Variants in GSR observed in about 807,000 individuals in gnomAD.
GSR encodes glutathione reductase, mitochondrial.
Under a neutral mutation model 56.5 loss-of-function variants are expected in GSR, and 48 were observed. That is an observed-to-expected ratio of 0.85 (90% CI 0.67 to 1.08). The LOEUF is 1.08. Among genes scored for constraint, GSR ranks in the 50% least tolerant of loss-of-function variants. The pLI is 0.00. For synonymous variants in GSR, 264 were observed against 270.8 expected (o/e 0.97, Z 0.25); for missense variants, 694 against 703.3 (o/e 0.99, Z 0.15).
At chr8:30,724,126 C>T (rs1236666851) in intron 1 of GSR, among the ~76,000 whole-genome samples, 1 of 152,188 alleles carries the variant, frequency 6.6e-6, no homozygotes, top group Non-Finnish European at 1.5e-5. Flanking sequence ...AATCCTAACA[C>T]TTTCGGAGAC....
At chr8:30,709,765 G>A in intron 3 of GSR, 49 bp downstream of exon 3, 1 of 1,064,170 alleles carries the variant, frequency 9.4e-7, no homozygotes, top group Non-Finnish European at 1.5e-6. Context: ...AGTTATAAAA[G>A]AAAAATATCT....
rs745575108 is a variant in GSR at position 30,690,505 on chromosome 8, G to A, written c.883-1186C>T. ...TGGAATGAAGGAAAGTAAGACTTGG[G>A]TTTGGAGAGTGGAGAAAATAAATAG... On this transcript the variant is annotated intron_variant, in intron 8 of 12. Transcript: ENST00000221130. 8.5e-5 allele frequency among the ~76,000 whole-genome samples: 13 copies of A among 152,176 alleles called. No homozygotes were observed. In the South Asian group the frequency reaches 1.7e-3, roughly 19 times the overall value.
At chr8:30,698,650 AC>A (rs1227127869) in intron 6 of GSR, among the ~76,000 whole-genome samples, 1 of 152,202 alleles carries the variant, frequency 6.6e-6, no homozygotes. Flanking sequence ...TGCTGTCTGA[AC>A]TGTCCATGAC....
chr8:30,727,796 G>A lies in GSR; in HGVS notation c.40C>T (p.Pro14Ser). The change falls in exon 1 of 13, where the codon CCG becomes TCG. Residue 14 changes from proline (P) to serine (S), a missense_variant. Physicochemically the swap from Pro to Ser is moderately conservative, Grantham distance 74. Transcript: ENST00000221130. The part of the protein sequence containing the change: ...LPRALSAGAG[P>S]SWRRAARAFR... ...GCGCGCGCCGCCCGCCGCCAGCTCG[G>A]TCCCGCGCCGGCGCTCAGGGCTCGG... is the stretch of plus-strand genomic sequence containing the variant. 1 of 1,319,376 alleles carries A rather than the reference G, an allele frequency of 7.6e-7. No homozygotes were observed. The highest frequency in any genetic ancestry group is 2.9e-4 in the Middle Eastern group (1 of 3,472). 81.7% of individuals were successfully genotyped at this position (1,319,376 alleles called of 1,614,324 possible).
At chr8:30,699,611 T>C (rs1803659405) in intron 6 of GSR, among the ~76,000 whole-genome samples, 1 of 151,728 alleles carries the variant, frequency 6.6e-6, no homozygotes, top group Non-Finnish European at 1.5e-5. Context: ...ACCCAGCTAA[T>C]TTCCATAGTT....
At chr8:30,717,112 C>T (rs1486865526) in intron 1 of GSR, among the ~76,000 whole-genome samples, 1 of 152,092 alleles carries the variant, frequency 6.6e-6, no homozygotes, top group East Asian at 1.9e-4. Flanking sequence ...TAGCACATGC[C>T]TGTAATCCCA....
intron 4 of GSR, 53 bp from the exon 5 acceptor site, chr8:30,703,293 C>A: frequency 6.8e-7 from 1 of 1,461,676 alleles, no homozygotes; most frequent in Non-Finnish European, 9.6e-7. Flanking sequence ...ACAAAGACAC[C>A]TACTGCAACT....
chr8:30,688,097 C>T (rs780837027), intron 9 of GSR, among the ~76,000 whole-genome samples: 27 of 152,298 alleles, frequency 1.8e-4, no homozygotes, highest in African/African-American at 5.1e-4. Context: ...ACAGACAGCA[C>T]GGGTAGAGCC....
intron 1 of GSR, 90 bp from the exon 2 acceptor site, chr8:30,712,178 G>A (rs2078312397): frequency 1.7e-5 from 12 of 709,240 alleles, no homozygotes; most frequent in East Asian, 2.6e-5. Flanking sequence ...AGCATCAAGC[G>A]AGGAGTCTTC....
chr8:30,727,356 C>T (rs1804766277), intron 1 of GSR, among the ~76,000 whole-genome samples, 174 bp downstream of exon 1: 1 of 152,226 alleles, frequency 6.6e-6, no homozygotes, highest in African/African-American at 2.4e-5. Flanking sequence ...CCCCCGGACG[C>T]CTCTCTCTCC....
At position 30,681,986 on chromosome 8, in the gene GSR, T is replaced by C; in HGVS notation, c.1229A>G (p.Asn410Ser). The C allele has an allele frequency of 3.1e-6, 5 of 1,613,320 alleles. No individual in the cohort carries two copies. The highest frequency in any genetic ancestry group is 4.2e-6 in the Non-Finnish European group (5 of 1,179,260). Reference protein sequence around the residue: ...YKEDSKLDYNNIPTVVFSHPP... With the variant: ...YKEDSKLDYNSIPTVVFSHPP... Reference sequence around the variant, plus strand: ...GTGGCTGAAGACCACAGTTGGGATGTTGTTATAATCTAATTTGGAATCTTC... The same window carrying C: ...GTGGCTGAAGACCACAGTTGGGATGCTGTTATAATCTAATTTGGAATCTTC... The change falls in exon 11 of 13, where the codon AAC becomes AGC. Residue 410 changes from asparagine to serine, a missense_variant. Transcript: ENST00000221130.
intron 1 of GSR, among the ~76,000 whole-genome samples, chr8:30,719,855 G>A (rs1804469214): frequency 6.6e-6 from 1 of 152,082 alleles, no homozygotes; most frequent in Non-Finnish European, 1.5e-5. Context: ...GCCCATGTTG[G>A]CAGTAAAACA....
At chr8:30,695,054 CTCTG>C (rs1016234792) in intron 7 of GSR, among the ~76,000 whole-genome samples, 5 of 151,576 alleles carry the variant, frequency 3.3e-5, no homozygotes, top group African/African-American at 1.2e-4. Flanking sequence ...CATAGCAAGA[CTCTG>C]TCTCTTAAAA....
chr8:30,717,631 T>C (rs978494853), intron 1 of GSR, among the ~76,000 whole-genome samples: 11 of 152,022 alleles, frequency 7.2e-5, no homozygotes, highest in Admixed American at 2.6e-4. Context: ...GGTTGCACAC[T>C]CCTTATGAGA....
intron 11 of GSR, 131 bp downstream of exon 11, chr8:30,681,797 AAG>A (rs1802969587): frequency 2.4e-6 from 2 of 823,276 alleles, no homozygotes; most frequent in Non-Finnish European, 4.1e-6. Context: ...GAACTGTGAC[AAG>A]AGAGTAACCA....
In GSR at chr8:30,693,039, T is replaced by A; in HGVS notation, c.812A>T (p.Asp271Val). The change falls in exon 8 of 13, where the codon GAT becomes GTT. Residue 271 changes from aspartate to valine, a missense_variant. Asp to Val is a radical substitution (Grantham distance 152, BLOSUM62 -3). Coordinates refer to ENST00000221130, the MANE Select transcript of GSR (RefSeq NM_000637.5). ...CGTGCAGTTGGTGCTGATCATTGAA[T>A]CAAAACTTCTAAGTACCTGCATATC... ...IRHDKVLRSFDSMISTNCTEE... is the reference protein window; with the variant it reads ...IRHDKVLRSFVSMISTNCTEE... 2.5e-6 allele frequency: 4 copies of A among 1,609,538 alleles called. No homozygotes were observed. The highest frequency in any genetic ancestry group is 2.6e-6 in the Non-Finnish European group (3 of 1,176,206).
chr8:30,712,726 G>T (rs1434157789), intron 1 of GSR, among the ~76,000 whole-genome samples: 1 of 152,162 alleles, frequency 6.6e-6, no homozygotes, highest in East Asian at 1.9e-4. Context: ...TGAGATACTG[G>T]TGAATACTCA....
chr8:30,686,639 G>A (rs958936649), intron 9 of GSR, among the ~76,000 whole-genome samples: 2 of 152,004 alleles, frequency 1.3e-5, no homozygotes, highest in African/African-American at 2.4e-5. Flanking sequence ...AGGATGCAGT[G>A]AGCCATGATG....
intron 1 of GSR, among the ~76,000 whole-genome samples, chr8:30,725,491 C>T (rs8190901): frequency 0.12 from 17,879 of 151,460 alleles, 3,299 homozygotes; most frequent in African/African-American, 0.39. Context: ...ACCCAGGAGG[C>T]GGAGGTTGCA....
Sources: gnomAD v4.1 joint callset for allele counts (sites outside exome capture counted in the v4.1 genomes callset) on GRCh38, gnomAD v4.1.1 for gene constraint, MANE v1.5 for transcripts, NCBI Gene and HGNC (gene_info 2026-07-23, HGNC 2026-07-21) for gene names.